OR1J2: variants seen among roughly 807,000 people sequenced by gnomAD.
OR1J2 encodes olfactory receptor family 1 subfamily J member 2.
For missense variants in OR1J2, 304 were observed against 246.1 expected (o/e 1.24, Z -1.57); for synonymous variants, 142 against 99.7 (o/e 1.42, Z -2.52).
the OR1J2 span, chr9:122,519,933 A>C: frequency 6.2e-7 from 1 of 1,614,130 alleles, no homozygotes; most frequent in Non-Finnish European, 8.5e-7. Context: ...CCCCTCATCC[A>C]GTGCCTCCAG....
chr9:122,515,882 C>T (rs1828694238), downstream of OR1J2, among the ~76,000 whole-genome samples: 1 of 152,082 alleles, frequency 6.6e-6, no homozygotes, highest in African/African-American at 2.4e-5. Context: ...ACTTTGAGCC[C>T]AGGCAACATC....
the OR1J2 span, among the ~76,000 whole-genome samples, chr9:122,496,141 GTGTGTTGGTTT>G: frequency 6.6e-6 from 1 of 152,166 alleles, no homozygotes; most frequent in African/African-American, 2.4e-5. Flanking sequence ...TTTTTATTTA[GTGTGTTGGTTT>G]TGTGTTGGTT....
the OR1J2 span, among the ~76,000 whole-genome samples, chr9:122,547,525 C>A: frequency 2.9e-3 from 447 of 152,006 alleles, 3 homozygotes; most frequent in African/African-American, 9.9e-3. Flanking sequence ...ATCCCTCAGC[C>A]CCCTCCCACC....
At chr9:122,559,452 G>A in the OR1J2 span, among the ~76,000 whole-genome samples, 2 of 151,984 alleles carry the variant, frequency 1.3e-5, no homozygotes, top group Admixed American at 6.6e-5. Flanking sequence ...GCTTTCTCTT[G>A]TGGGCATTTA....
the OR1J2 span, among the ~76,000 whole-genome samples, chr9:122,454,205 T>C: frequency 6.6e-6 from 1 of 152,204 alleles, no homozygotes; most frequent in Non-Finnish European, 1.5e-5. Context: ...ATTGTTCTCC[T>C]GCTCCTGAGA....
At chr9:122,504,367 A>C in the OR1J2 span, among the ~76,000 whole-genome samples, 1 of 152,206 alleles carries the variant, frequency 6.6e-6, no homozygotes, top group Non-Finnish European at 1.5e-5. Flanking sequence ...CAGATGATCC[A>C]ATTAGCATGG....
At chr9:122,558,681 G>GATAT in the OR1J2 span, among the ~76,000 whole-genome samples, 35,413 of 151,192 alleles carry the variant, frequency 0.23, 4,567 homozygotes, top group Middle Eastern at 0.33. Context: ...ATAATAGATG[G>GATAT]ATATATGTAT....
At chr9:122,473,695 T>C in the OR1J2 span, among the ~76,000 whole-genome samples, 8 of 151,236 alleles carry the variant, frequency 5.3e-5, no homozygotes, top group African/African-American at 2.0e-4. Context: ...CACGGGACTG[T>C]CATTGGACTA....
At chr9:122,570,185 G>T in the OR1J2 span, among the ~76,000 whole-genome samples, 6 of 149,788 alleles carry the variant, frequency 4.0e-5, no homozygotes, top group Non-Finnish European at 7.4e-5. Context: ...AGTCCTTTGG[G>T]TATATACCCA....
chr9:122,487,458 AACACACACACAC>A, the OR1J2 span, among the ~76,000 whole-genome samples: 5 of 148,980 alleles, frequency 3.4e-5, no homozygotes, highest in East Asian at 5.9e-4. Context: ...GGAGATGATT[AACACACACACAC>A]ACACACACAC....
At chr9:122,479,528 C>T in the OR1J2 span, among the ~76,000 whole-genome samples, 1 of 152,170 alleles carries the variant, frequency 6.6e-6, no homozygotes, top group African/African-American at 2.4e-5. Flanking sequence ...AGTCTTTAAT[C>T]ACTACCACTT....
the OR1J2 span, chr9:122,553,074 C>A: frequency 5.9e-6 from 5 of 848,660 alleles, no homozygotes; most frequent in South Asian, 5.3e-5. Flanking sequence ...TTCTTATTGG[C>A]AAAGACCATT....
chr9:122,509,867 G>T (rs562529175), upstream of OR1J2, among the ~76,000 whole-genome samples: 3 of 152,190 alleles, frequency 2.0e-5, no homozygotes, highest in East Asian at 5.8e-4. Context: ...AAAATGAATT[G>T]ATACAATCCC....
chr9:122,463,644 T>C, the OR1J2 span, among the ~76,000 whole-genome samples: 1 of 152,182 alleles, frequency 6.6e-6, no homozygotes, highest in Non-Finnish European at 1.5e-5. Context: ...CTCTCTCCTT[T>C]CCCCCTGAGA....
the OR1J2 span, among the ~76,000 whole-genome samples, chr9:122,556,365 CCTT>C: frequency 2.2e-4 from 34 of 151,486 alleles, 1 homozygote; most frequent in East Asian, 5.2e-3. Context: ...TGTCTTTCAT[CCTT>C]TGTCAAAAAT....
the OR1J2 span, among the ~76,000 whole-genome samples, chr9:122,457,786 A>C: frequency 1.3e-5 from 2 of 152,196 alleles, no homozygotes; most frequent in African/African-American, 4.8e-5. Flanking sequence ...GAAATTTTAT[A>C]TTATAGGTAA....
the OR1J2 span, among the ~76,000 whole-genome samples, chr9:122,455,876 A>G: frequency 1.3e-5 from 2 of 152,150 alleles, no homozygotes; most frequent in East Asian, 3.8e-4. Context: ...TGTATATCCT[A>G]TGAAGTAAGG....
At position 122,511,389 on chromosome 9, in the gene OR1J2, G is replaced by A; in HGVS notation, c.588G>A (p.Glu196=). 1 of 751,510 alleles carries A rather than the reference G, an allele frequency of 1.3e-6. No individual in the cohort carries two copies. The highest frequency in any genetic ancestry group is 2.5e-6 in the Non-Finnish European group (1 of 404,044). 46.6% of individuals were successfully genotyped at this position (751,510 alleles called of 1,614,324 possible). A position where few individuals can be genotyped will look rare whatever the true frequency, so the allele number is the denominator to read the frequency against. Reference sequence around the variant, plus strand: ...CCTGCTCAGATATCTTCCTCAATGAGCTGGTCATGTTCACAGTAGGGGTGG... The same window carrying A: ...CCTGCTCAGATATCTTCCTCAATGAACTGGTCATGTTCACAGTAGGGGTGG... ...KLSCSDIFLN[E]LVMFTVGVVV... Residue 196 remains glutamate (E), a synonymous_variant, in exon 1 of 1, where the codon GAG becomes GAA. Coordinates refer to ENST00000335302, the MANE Select transcript of OR1J2 (RefSeq NM_054107.1).
At chr9:122,448,427 G>C in the OR1J2 span, among the ~76,000 whole-genome samples, 1 of 152,130 alleles carries the variant, frequency 6.6e-6, no homozygotes, top group Non-Finnish European at 1.5e-5. Flanking sequence ...CCCAGGGGCA[G>C]GCAGGAGACG....
Sources: allele counts gnomAD v4.1 joint callset (sites outside exome capture counted in the v4.1 genomes callset), GRCh38; gene constraint gnomAD v4.1.1; transcripts MANE v1.5; gene names NCBI Gene and HGNC (gene_info 2026-07-23, HGNC 2026-07-21).